DNASE1L3: variants seen among roughly 807,000 people sequenced by gnomAD.
DNASE1L3 encodes deoxyribonuclease 1L3.
In DNASE1L3, 27 loss-of-function variants were observed where a neutral mutation model predicts 30.9. That is an observed-to-expected ratio of 0.87 (90% CI 0.64 to 1.20). The LOEUF (loss-of-function observed/expected upper bound fraction) is 1.20, where lower values mean the gene tolerates loss of function less well. Ranked by LOEUF, DNASE1L3 falls within the 50% of genes most tolerant of loss-of-function variation. The pLI is 0.00. For synonymous variants in DNASE1L3, 135 were observed against 138.0 expected, an observed-to-expected ratio of 0.98 and a Z score of 0.15; for missense variants, 364 against 378.2, an observed-to-expected ratio of 0.96 and a Z score of 0.31.
rs146444966 is a variant in DNASE1L3, at chr3:58,193,362, T to C, written c.782A>G (p.Tyr261Cys). The change falls in exon 7 of 8, where the codon TAC becomes TGC. Residue 261 changes from tyrosine to cysteine, a missense_variant. Transcript: ENST00000394549. ...CCTTACCTCCTCTTCAGTCAGCTTG[T>C]AAGCTTTCTGGAAGTCAAAAACACT... is the stretch of plus-strand genomic sequence containing the variant. ...SNSVFDFQKAYKLTEEEALDV... is the reference protein window; with the variant it reads ...SNSVFDFQKACKLTEEEALDV... The C allele has an allele frequency of 1.9e-4, 304 of 1,614,126 alleles. No individual in the cohort carries two copies. In the African/African-American group the frequency reaches 3.5e-3, roughly 18 times the overall value.
intron 6 of DNASE1L3, among the ~76,000 whole-genome samples, chr3:58,194,163 G>A (rs2097395790): frequency 6.6e-6 from 1 of 152,120 alleles, no homozygotes; most frequent in Non-Finnish European, 1.5e-5. Flanking sequence ...CCCAAGTTGG[G>A]TGATGCAGTT....
At chr3:58,194,314 C>CT (rs11358965) in intron 6 of DNASE1L3, among the ~76,000 whole-genome samples, 26,898 of 88,550 alleles carry the variant, frequency 0.3, 5,643 homozygotes, top group East Asian at 0.58. Flanking sequence ...GCACAACTAA[C>CT]TTTTTTTTTT....
chr3:58,193,075 CTTTT>C (rs11289117), intron 7 of DNASE1L3: 4,767 of 1,263,284 alleles, frequency 3.8e-3, no homozygotes, highest in East Asian at 0.012. Context: ...ATCAACCCAT[CTTTT>C]TTTTTTTTTT....
chr3:58,198,189 T>C (rs751553838), intron 5 of DNASE1L3, among the ~76,000 whole-genome samples: 2 of 152,172 alleles, frequency 1.3e-5, no homozygotes, highest in African/African-American at 4.8e-5. Context: ...TATTTGGAGA[T>C]AGAACCTTTC....
intron 1 of DNASE1L3, among the ~76,000 whole-genome samples, chr3:58,209,879 C>G (rs1457425170): frequency 6.6e-6 from 1 of 152,186 alleles, no homozygotes; most frequent in Non-Finnish European, 1.5e-5. Context: ...GTAATAAGTA[C>G]CTTTCCAGAG....
chr3:58,195,538 C>T (rs1341563162), intron 6 of DNASE1L3, among the ~76,000 whole-genome samples: 3 of 144,074 alleles, frequency 2.1e-5, no homozygotes, highest in African/African-American at 7.9e-5. Context: ...GAGGCCAAAG[C>T]AGGCGGATCA....
At chr3:58,208,148 T>C in intron 2 of DNASE1L3, 70 bp downstream of exon 2, 2 of 1,460,436 alleles carry the variant, frequency 1.4e-6, no homozygotes, top group East Asian at 2.3e-5. Flanking sequence ...TTACTTTCAG[T>C]TCCCAGGGGT....
At chr3:58,205,860 C>A (rs534171037) in intron 2 of DNASE1L3, among the ~76,000 whole-genome samples, 1 of 152,208 alleles carries the variant, frequency 6.6e-6, no homozygotes, top group Non-Finnish European at 1.5e-5. Context: ...CCCCAAAACC[C>A]GCATGCTTTG....
chr3:58,192,730 T>G lies in DNASE1L3; in HGVS notation c.875A>C (p.Lys292Thr). Residue 292 changes from lysine (K) to threonine (T), a missense_variant, in exon 8 of 8, where the codon AAA (lysine) becomes ACA (threonine). Lys to Thr is a moderately conservative substitution (Grantham distance 78). Coordinates refer to ENST00000394549, the MANE Select transcript of DNASE1L3 (RefSeq NM_004944.4). The surrounding 1 kb of genome is among the most constrained non-coding windows in gnomAD (Gnocchi z 4.8). Reference sequence around the variant, plus strand: ...TGTTTTCTTCCTTAGAGTGACAGATTTTTTGCTGTTGGTGAAGGCCCTTGA... The same window carrying G: ...TGTTTTCTTCCTTAGAGTGACAGATGTTTTGCTGTTGGTGAAGGCCCTTGA... ...QSSRAFTNSKKSVTLRKKTKS... is the reference protein window; with the variant it reads ...QSSRAFTNSKTSVTLRKKTKS... 6.2e-7 allele frequency: 1 copy of G among 1,614,146 alleles called. No homozygotes were observed. Among genetic ancestry groups the G allele is most frequent in the Non-Finnish European group, 8.5e-7 (1 of 1,180,006 alleles).
intron 5 of DNASE1L3, among the ~76,000 whole-genome samples, chr3:58,198,237 G>T (rs1693851023): frequency 6.6e-6 from 1 of 152,184 alleles, no homozygotes. Context: ...ATATGGATGG[G>T]CTCTAATCCA....
intron 1 of DNASE1L3, among the ~76,000 whole-genome samples, chr3:58,209,141 C>T (rs1240435329): frequency 6.6e-6 from 1 of 152,172 alleles, no homozygotes; most frequent in African/African-American, 2.4e-5. Context: ...TAATCCTATT[C>T]TGAATGCCTG....
intron 5 of DNASE1L3, among the ~76,000 whole-genome samples, chr3:58,199,128 T>C (rs545705897): frequency 6.6e-6 from 1 of 152,220 alleles, no homozygotes; most frequent in African/African-American, 2.4e-5. Flanking sequence ...TTCCCCATGA[T>C]TGATGGGTTC....
intron 6 of DNASE1L3, among the ~76,000 whole-genome samples, chr3:58,194,186 G>T (rs927503881): frequency 1.3e-5 from 2 of 152,142 alleles, no homozygotes; most frequent in African/African-American, 4.8e-5. Context: ...GGTCTACGTG[G>T]TCCTGAGTGA....
intron 6 of DNASE1L3, among the ~76,000 whole-genome samples, chr3:58,196,236 C>T (rs1013967623): frequency 4.0e-5 from 6 of 151,882 alleles, no homozygotes; most frequent in Non-Finnish European, 8.8e-5. Context: ...AAAGGAAACA[C>T]CAGCCTCAAA....
chr3:58,194,500 A>G (rs2097396018), intron 6 of DNASE1L3, among the ~76,000 whole-genome samples: 1 of 146,416 alleles, frequency 6.8e-6, no homozygotes, highest in Non-Finnish European at 1.5e-5. Context: ...TTGTATTTTT[A>G]GTAGAGACGG....
Position 58,193,385 on chromosome 3 carries a change from A to G in DNASE1L3, c.759T>C (p.Ser253=), listed in dbSNP as rs1195756996. The G allele has an allele frequency of 1.2e-6, 2 of 1,614,010 alleles. No individual in the cohort carries two copies. Among genetic ancestry groups the G allele is most frequent in the Admixed American group, 1.7e-5 (1 of 59,998 alleles). The change falls in exon 7 of 8, where the codon AGT becomes AGC. Residue 253 remains serine, a synonymous_variant. Coordinates refer to ENST00000394549, the MANE Select transcript of DNASE1L3 (RefSeq NM_004944.4). ...TGTAAGCTTTCTGGAAGTCAAAAAC[A>G]CTGTTTGACTTGGGAACAACAGAAC... ...IVSSVVPKSN[S]VFDFQKAYKL...
At position 58,200,690 on chromosome 3, in the gene DNASE1L3, A is replaced by T. The variant is rs1387905209; in HGVS notation, c.546+307T>A. ...GTAGCTACCTCAAGGGATTATTGGG[A>T]GGATTAAATAAACTTGTCCATGTCA... On this transcript the variant is annotated intron_variant, in intron 5 of 7. Transcript: ENST00000394549. This position sits in a 1 kb window ranked among gnomAD's most constrained non-coding sequence, Gnocchi z 4.2. 1.3e-5 allele frequency among the ~76,000 whole-genome samples: 2 copies of T among 152,224 alleles called. No homozygotes were observed. The highest frequency in any genetic ancestry group is 4.8e-5 in the African/African-American group (2 of 41,450).
chr3:58,205,362 C>T (rs1291582251), intron 3 of DNASE1L3, 109 bp downstream of exon 3: 4 of 973,312 alleles, frequency 4.1e-6, no homozygotes, highest in Non-Finnish European at 6.6e-6. Context: ...TTGATGAACA[C>T]TGAGAATTGG....
At position 58,209,519 on chromosome 3, in the gene DNASE1L3, C is replaced by G. The variant is rs28634104; in HGVS notation, c.142-1213G>C. 9.7e-3 allele frequency among the ~76,000 whole-genome samples: 1,473 copies of G among 152,314 alleles called. 23 individuals are homozygous for G. Among genetic ancestry groups the G allele is most frequent in the African/African-American group, 0.034 (1,405 of 41,572 alleles). On this transcript the variant is annotated intron_variant, in intron 1 of 7. Coordinates refer to ENST00000394549, the MANE Select transcript of DNASE1L3 (RefSeq NM_004944.4). ...TGGCTAAACAACACCATCTAGAAGG[C>G]CTTGGTTACCTCCCAAAGGGCAGGG...
Sources: gnomAD v4.1 joint callset for allele counts (sites outside exome capture counted in the v4.1 genomes callset) on GRCh38, gnomAD v4.1.1 for gene constraint, Gnocchi (gnomAD v3.1) non-coding constraint, MANE v1.5 for transcripts, NCBI Gene and HGNC (gene_info 2026-07-23, HGNC 2026-07-21) for gene names.